Variants in KIAA1549 observed in about 807,000 individuals in gnomAD.
The protein encoded by KIAA1549 is KIAA1549, also known as UPF0606 protein KIAA1549.
In KIAA1549, 70 loss-of-function variants were observed where a neutral mutation model predicts 156.4. That is an observed-to-expected ratio of 0.45 (90% CI 0.37 to 0.55). The LOEUF (loss-of-function observed/expected upper bound fraction) is 0.55, where lower values mean the gene tolerates loss of function less well. Among genes scored for constraint, KIAA1549 ranks in the 20% least tolerant of loss-of-function variants. The pLI is 0.00. For synonymous variants in KIAA1549, 1,103 were observed against 1,066.4 expected, an observed-to-expected ratio of 1.03 and a Z score of -0.67; for missense variants, 2,428 against 2,540.9, an observed-to-expected ratio of 0.96 and a Z score of 0.96.
At chr7:138,865,355 AAGG>A (rs1441921179) in intron 15 of KIAA1549, among the ~76,000 whole-genome samples, 2 of 152,192 alleles carry the variant, frequency 1.3e-5, no homozygotes, top group Non-Finnish European at 2.9e-5. Context: ...CACACCGCTC[AAGG>A]AGAAGATATT....
At chr7:138,862,126 T>C (rs1218812476) in intron 15 of KIAA1549, among the ~76,000 whole-genome samples, 1 of 152,158 alleles carries the variant, frequency 6.6e-6, no homozygotes, top group South Asian at 2.1e-4. Context: ...ATAAGTAAAG[T>C]AGTCTATTGA....
rs71169066 is a variant in KIAA1549 at position 138,931,752 on chromosome 7, CAAAAAAAAAA to C, written c.188-12324_188-12315del. Among the ~76,000 whole-genome samples the C allele has an allele frequency of 1.4e-4, 14 of 101,454 alleles. No individual in the cohort carries two copies. In the East Asian group the frequency reaches 3.4e-3, roughly 25 times the overall value. 66.6% of individuals were successfully genotyped at this position (101,454 alleles called of 152,430 possible). A position where few individuals can be genotyped will look rare whatever the true frequency, so the allele number is the denominator to read the frequency against. On this transcript the variant is annotated intron_variant, in intron 1 of 19. Coordinates refer to ENST00000422774, the MANE Select transcript of KIAA1549 (RefSeq NM_001164665.2). ...GGGTGACAGAGCAAAAGTCCCATCT[CAAAAAAAAAA>C]AAAAAAAAAAAGAAGGTCTTGATTT...
intron 1 of KIAA1549, among the ~76,000 whole-genome samples, chr7:138,963,323 G>C (rs1370667743): frequency 6.6e-6 from 1 of 152,232 alleles, no homozygotes; most frequent in East Asian, 1.9e-4. Context: ...GGAGGCAGAA[G>C]TCACATGCGG....
Position 138,837,851 on chromosome 7 carries a change from T to C in KIAA1549, c.*55A>G. 1 of 1,573,798 alleles carries C rather than the reference T, an allele frequency of 6.4e-7. No individual in the cohort carries two copies. The highest frequency in any genetic ancestry group is 8.6e-7 in the Non-Finnish European group (1 of 1,159,136). On this transcript the variant is annotated 3_prime_UTR_variant, in exon 20 of 20. Coordinates refer to ENST00000422774, the MANE Select transcript of KIAA1549 (RefSeq NM_001164665.2). ...AAACACCCACTCAGTTGATTTCCTT[T>C]TGGTCTTGCTTCCACAGGAAGCGGA...
intron 7 of KIAA1549, among the ~76,000 whole-genome samples, chr7:138,904,094 G>A (rs1189793351): frequency 6.6e-6 from 1 of 152,152 alleles, no homozygotes; most frequent in Non-Finnish European, 1.5e-5. Context: ...CAAACATTTT[G>A]TCTGCACTTA....
At chr7:138,978,665 G>A (rs951289481) in intron 1 of KIAA1549, among the ~76,000 whole-genome samples, 1 of 152,180 alleles carries the variant, frequency 6.6e-6, no homozygotes, top group Non-Finnish European at 1.5e-5. Flanking sequence ...AGCCACGGAA[G>A]GGAATGCTGC....
intron 12 of KIAA1549, among the ~76,000 whole-genome samples, chr7:138,874,869 C>T (rs1298075442): frequency 1.3e-5 from 2 of 152,040 alleles, no homozygotes; most frequent in South Asian, 2.1e-4. Context: ...GTGGTGTACA[C>T]CTGTAGGCCC....
chr7:138,943,616 A>G (rs540331656), intron 1 of KIAA1549, among the ~76,000 whole-genome samples: 17 of 152,206 alleles, frequency 1.1e-4, no homozygotes, highest in Middle Eastern at 3.4e-3. Flanking sequence ...TTGGGAGGCC[A>G]AGGCGGGTGG....
At chr7:138,893,588 T>C (rs539126756) in intron 10 of KIAA1549, among the ~76,000 whole-genome samples, 2 of 152,254 alleles carry the variant, frequency 1.3e-5, no homozygotes, top group Admixed American at 6.5e-5. Context: ...TGTCCATTCA[T>C]ATATTTTAAG....
intron 17 of KIAA1549, among the ~76,000 whole-genome samples, chr7:138,849,418 C>T (rs969326898): frequency 1.3e-5 from 2 of 152,076 alleles, no homozygotes; most frequent in African/African-American, 4.8e-5. Context: ...GCTATAGCTG[C>T]ACCTCACAAC....
chr7:138,946,650 G>A (rs865989346), intron 1 of KIAA1549, among the ~76,000 whole-genome samples: 1 of 152,098 alleles, frequency 6.6e-6, no homozygotes, highest in East Asian at 1.9e-4. Context: ...GAGGTGGTGT[G>A]CGCCTGTAGT....
chr7:138,972,282 C>T (rs375119015), intron 1 of KIAA1549, among the ~76,000 whole-genome samples: 4 of 152,096 alleles, frequency 2.6e-5, no homozygotes, highest in African/African-American at 7.2e-5. Flanking sequence ...CACCACTACA[C>T]CCTACCCTGT....
intron 1 of KIAA1549, among the ~76,000 whole-genome samples, chr7:138,973,248 C>G (rs894236292): frequency 2.6e-5 from 4 of 152,204 alleles, no homozygotes; most frequent in African/African-American, 9.7e-5. Context: ...CCTCACCAGG[C>G]CTAAGAATAA....
chr7:138,913,636 T>C (rs1054057479), intron 2 of KIAA1549, among the ~76,000 whole-genome samples: 1 of 152,140 alleles, frequency 6.6e-6, no homozygotes, highest in Non-Finnish European at 1.5e-5. Flanking sequence ...TTAATTTATA[T>C]TTGATTGTTT....
intron 1 of KIAA1549, among the ~76,000 whole-genome samples, chr7:138,939,063 C>T (rs944339659): frequency 1.3e-5 from 2 of 152,150 alleles, no homozygotes; most frequent in African/African-American, 4.8e-5. Context: ...TTCAGACATA[C>T]ACAAAAGTTG....
chr7:138,846,772 T>TTA (rs1456426386), intron 17 of KIAA1549, among the ~76,000 whole-genome samples: 1 of 152,144 alleles, frequency 6.6e-6, no homozygotes, highest in Non-Finnish European at 1.5e-5. Context: ...AAAAAAAAGA[T>TTA]AATAGTCTGC....
In KIAA1549 at chr7:138,861,252, G is replaced by A; in HGVS notation, c.5134C>T (p.Pro1712Ser). The A allele has an allele frequency of 6.2e-7, 1 of 1,610,466 alleles. No individual in the cohort carries two copies. Among genetic ancestry groups the A allele is most frequent in the Non-Finnish European group, 8.5e-7 (1 of 1,179,098 alleles). Residue 1712 changes from proline to serine, a missense_variant, in exon 16 of 20, where the codon CCC (proline) becomes TCC (serine). This residue lies in a region of KIAA1549 where 363 missense variants were observed against 354.0 expected (regional missense o/e 1.03). Transcript: ENST00000422774. Reference protein sequence around the residue: ...SQPASTAGVGPGVPPGLPANS... With the variant: ...SQPASTAGVGSGVPPGLPANS... The stretch of plus-strand genomic sequence containing the variant: ...GCGGGCAGGCCGGGTGGGACTCCGG[G>A]GCCTACACCTGCGGTGCTGGCAGGC...
rs553345311 is a variant in KIAA1549, at chr7:138,902,405, T to G, written c.3669+1183A>C. Among the ~76,000 whole-genome samples the G allele has an allele frequency of 3.3e-5, 5 of 152,296 alleles. No homozygotes were observed. The Middle Eastern group carries it at 0.017, about 518-fold the overall frequency. ...CAGCCAACACCCCCTGCTTCAGAGTTCTACCCTGGTTTCCTGTTTCTGAAA... is the reference window on the plus strand; with the variant it reads ...CAGCCAACACCCCCTGCTTCAGAGTGCTACCCTGGTTTCCTGTTTCTGAAA... On this transcript the variant is annotated intron_variant, in intron 8 of 19. Coordinates refer to ENST00000422774, the MANE Select transcript of KIAA1549 (RefSeq NM_001164665.2).
rs1035579887 is a variant in KIAA1549 at position 138,833,159 on chromosome 7, T to C, written c.*4747A>G. On this transcript the variant is annotated 3_prime_UTR_variant, in exon 20 of 20. Coordinates refer to ENST00000422774, the MANE Select transcript of KIAA1549 (RefSeq NM_001164665.2). ...GCTCCGGAGGTAGAAATGACCACGGTGAAAACTCCACTTGAGCTAAAGTTA... is the reference window on the plus strand; with the variant it reads ...GCTCCGGAGGTAGAAATGACCACGGCGAAAACTCCACTTGAGCTAAAGTTA... 4.7e-5 allele frequency: 11 copies of C among 232,432 alleles called. No individual in the cohort carries two copies. Among genetic ancestry groups the C allele is most frequent in the African/African-American group, 6.6e-5 (3 of 45,324 alleles). 14.4% of individuals were successfully genotyped at this position (232,432 alleles called of 1,614,324 possible). A position where few individuals can be genotyped will look rare whatever the true frequency, so the allele number is the denominator to read the frequency against.
Sources: allele counts gnomAD v4.1 joint callset (sites outside exome capture counted in the v4.1 genomes callset), GRCh38; gene constraint gnomAD v4.1.1; regional missense constraint gnomAD v4.1.1; transcripts MANE v1.5; gene names NCBI Gene and HGNC (gene_info 2026-07-23, HGNC 2026-07-21).